DLG2: variants seen among roughly 807,000 people sequenced by gnomAD.
DLG2 encodes the protein disks large homolog 2.
Under a neutral mutation model 132.5 loss-of-function variants are expected in DLG2, and 45 were observed. That is an observed-to-expected ratio of 0.34 (90% confidence interval 0.27 to 0.44). DLG2 has a LOEUF of 0.44. DLG2 is among the 20% of genes least tolerant of loss of function. The probability of loss-of-function intolerance (pLI) is 1.00; values close to 1 mark genes in which losing one functional copy is unlikely to be tolerated. For synonymous variants in DLG2, 424 were observed against 419.6 expected (o/e 1.01, Z -0.13); for missense variants, 1,045 against 1,196.9 (o/e 0.87, Z 1.87).
chr11:84,295,314 G>A (rs188998895), intron 7 of DLG2, among the ~76,000 whole-genome samples: 1 of 152,212 alleles, frequency 6.6e-6, no homozygotes, highest in East Asian at 1.9e-4. Context: ...TATGAGAAAT[G>A]CTTAATAGTT....
intron 19 of DLG2, among the ~76,000 whole-genome samples, chr11:83,595,663 A>G (rs1250380468): frequency 6.6e-6 from 1 of 152,184 alleles, no homozygotes; most frequent in African/African-American, 2.4e-5. Flanking sequence ...AAACTGAATT[A>G]CTCCTATTTT....
intron 8 of DLG2, among the ~76,000 whole-genome samples, chr11:84,243,109 A>G (rs2097257595): frequency 6.6e-6 from 1 of 150,566 alleles, no homozygotes; most frequent in African/African-American, 2.4e-5. Context: ...TATCTCTTCT[A>G]TTTCTTTCTT....
At chr11:84,990,695 G>T (rs1053859621) in intron 6 of DLG2, among the ~76,000 whole-genome samples, 1 of 118,498 alleles carries the variant, frequency 8.4e-6, no homozygotes, top group Non-Finnish European at 1.8e-5. Flanking sequence ...ATAAGAAGTA[G>T]CGACAGCACT....
chr11:83,729,652 G>A (rs993680083), intron 18 of DLG2, among the ~76,000 whole-genome samples: 10 of 152,076 alleles, frequency 6.6e-5, no homozygotes, highest in African/African-American at 9.7e-5. Flanking sequence ...ATCATAGTTC[G>A]CAGGGCTGCA....
At chr11:84,120,105 T>C (rs2093834011) in intron 9 of DLG2, among the ~76,000 whole-genome samples, 1 of 152,124 alleles carries the variant, frequency 6.6e-6, no homozygotes, top group African/African-American at 2.4e-5. Context: ...TTCAGTGAGG[T>C]GGATATTCTT....
chr11:84,533,338 T>G (rs2099347326), intron 7 of DLG2, among the ~76,000 whole-genome samples: 2 of 152,204 alleles, frequency 1.3e-5, no homozygotes, highest in South Asian at 4.1e-4. Context: ...TTCTTAATCT[T>G]TTCTTCTCCA....
intron 6 of DLG2, among the ~76,000 whole-genome samples, chr11:84,730,740 G>A (rs1388998864): frequency 6.6e-6 from 1 of 151,906 alleles, no homozygotes; most frequent in Non-Finnish European, 1.5e-5. Context: ...TCTTCTAGCT[G>A]CATGAACTAA....
At chr11:84,037,229 T>C (rs528750652) in intron 11 of DLG2, among the ~76,000 whole-genome samples, 3 of 152,254 alleles carry the variant, frequency 2.0e-5, no homozygotes, top group South Asian at 2.1e-4. Context: ...AATTTAAGCA[T>C]GGAGAAAGAT....
chr11:83,549,594 G>A (rs1362330885), intron 19 of DLG2, among the ~76,000 whole-genome samples: 1 of 152,156 alleles, frequency 6.6e-6, no homozygotes, highest in Non-Finnish European at 1.5e-5. Flanking sequence ...ACATAAAAAT[G>A]CATATGTAGT....
At chr11:84,582,040 C>G (rs1202880502) in intron 6 of DLG2, among the ~76,000 whole-genome samples, 1 of 151,612 alleles carries the variant, frequency 6.6e-6, no homozygotes, top group Admixed American at 6.6e-5. Flanking sequence ...CTGGAACCTA[C>G]TAGAAAGCGG....
At chr11:85,000,213 T>C (rs1233402399) in intron 6 of DLG2, among the ~76,000 whole-genome samples, 1 of 152,056 alleles carries the variant, frequency 6.6e-6, no homozygotes, top group Non-Finnish European at 1.5e-5. Flanking sequence ...ATAACTCATA[T>C]TTGTACAGTA....
chr11:85,178,593 T>C (rs550587765), intron 4 of DLG2, among the ~76,000 whole-genome samples: 1 of 151,474 alleles, frequency 6.6e-6, no homozygotes, highest in Non-Finnish European at 1.5e-5. Flanking sequence ...TGCTCAGAGA[T>C]AGAAGAAAAT....
intron 6 of DLG2, among the ~76,000 whole-genome samples, chr11:84,924,342 A>C (rs372592343): frequency 1.3e-5 from 2 of 152,198 alleles, no homozygotes; most frequent in South Asian, 4.1e-4. Context: ...GAGGAAAAAA[A>C]GTGGTTATGT....
chr11:83,897,268 A>G (rs1211581079), intron 15 of DLG2, among the ~76,000 whole-genome samples: 1 of 152,194 alleles, frequency 6.6e-6, no homozygotes, highest in Non-Finnish European at 1.5e-5. Context: ...CCATAGCTGA[A>G]TTACAACTCT....
At chr11:85,430,768 C>A (rs1225018841) in intron 3 of DLG2, among the ~76,000 whole-genome samples, 1 of 150,240 alleles carries the variant, frequency 6.7e-6, no homozygotes, top group Non-Finnish European at 1.5e-5. Flanking sequence ...GGGGACTGAA[C>A]TGTAAAGCAC....
Position 84,386,180 on chromosome 11 carries a change from C to T in DLG2, c.520-134889G>A, listed in dbSNP as rs548615759. On this transcript the variant is annotated intron_variant, in intron 7 of 27. Coordinates refer to ENST00000376104, the MANE Select transcript of DLG2 (RefSeq NM_001142699.3). Reference sequence around the variant, plus strand: ...CAGCCAATTTTTTTAACTCTTAACACTCCTCTGGGAATTGTCCTTACTTTA... The same window carrying T: ...CAGCCAATTTTTTTAACTCTTAACATTCCTCTGGGAATTGTCCTTACTTTA... Among the ~76,000 whole-genome samples, 10 of 152,138 alleles carry T rather than the reference C, an allele frequency of 6.6e-5. No individual in the cohort carries two copies. The East Asian group carries it at 1.9e-3, about 29-fold the overall frequency.
intron 6 of DLG2, among the ~76,000 whole-genome samples, chr11:85,099,112 G>A (rs566508833): frequency 3.3e-4 from 50 of 152,216 alleles, no homozygotes; most frequent in African/African-American, 9.2e-4. Context: ...AGTTTTCTTC[G>A]GGCCAAAGTT....
chr11:83,647,421 T>A (rs554115947), intron 18 of DLG2: 2 of 152,148 alleles, frequency 1.3e-5, no homozygotes, highest in African/African-American at 4.8e-5. Context: ...ATTGGTTGGG[T>A]GGGAATGATT....
At chr11:85,255,366 T>C (rs1208203353) in intron 4 of DLG2, among the ~76,000 whole-genome samples, 1 of 152,238 alleles carries the variant, frequency 6.6e-6, no homozygotes, top group East Asian at 1.9e-4. Context: ...CGCATGGATA[T>C]TCATATCCAC....
Sources: gnomAD v4.1 joint callset for allele counts (sites outside exome capture counted in the v4.1 genomes callset) on GRCh38, gnomAD v4.1.1 for gene constraint, MANE v1.5 for transcripts, NCBI Gene and HGNC (gene_info 2026-07-23, HGNC 2026-07-21) for gene names.